Variants in USP4 observed in about 807,000 individuals in gnomAD.
USP4 encodes the protein ubiquitin carboxyl-terminal hydrolase 4.
A neutral mutation model predicts 118.2 loss-of-function variants in USP4; 72 were observed. The ratio of observed to expected loss-of-function variants is 0.61; its 90% CI spans 0.50 to 0.74. The LOEUF is 0.74. Ranked by LOEUF, USP4 falls within the 30% of genes least tolerant of loss-of-function variation. The pLI is 0.00. For synonymous variants in USP4, 415 were observed against 440.4 expected (o/e 0.94, Z 0.72); for missense variants, 1,037 against 1,185.7 (o/e 0.87, Z 1.84).
intron 9 of USP4, among the ~76,000 whole-genome samples, chr3:49,305,115 C>G (rs1192770876): frequency 6.7e-6 from 1 of 149,876 alleles, no homozygotes. Context: ...TTCTGTCACC[C>G]AGGCTGGAGT....
At position 49,339,984 on chromosome 3, in the gene USP4, T is replaced by A; in HGVS notation, c.41A>T (p.Glu14Val). 2 of 1,612,120 alleles carry A rather than the reference T, an allele frequency of 1.2e-6. No homozygotes were observed. Among genetic ancestry groups the A allele is most frequent in the Non-Finnish European group, 1.7e-6 (2 of 1,179,866 alleles). The change falls in exon 1 of 22, where the codon GAG (glutamate) becomes GTG (valine). Residue 14 changes from glutamate (E) to valine (V), a missense_variant. Physicochemically the swap from Glu to Val is moderately radical, Grantham distance 121. Transcript: ENST00000265560. Reference sequence around the variant, plus strand: ...GGGTCCAAGCTCGGACTTCTGAGTCTCCGCATCCGGTCGCTCACGGCAGCC... The same window carrying A: ...GGGTCCAAGCTCGGACTTCTGAGTCACCGCATCCGGTCGCTCACGGCAGCC... The part of the protein sequence containing the change: ...GGGCRERPDA[E>V]TQKSELGPLM...
At chr3:49,331,546 G>A (rs1212086079) in intron 2 of USP4, among the ~76,000 whole-genome samples, 14 of 152,170 alleles carry the variant, frequency 9.2e-5, no homozygotes, top group African/African-American at 2.7e-4. Flanking sequence ...ACTTGAACCC[G>A]GGAAGCAGAG....
At chr3:49,286,403 A>G in intron 15 of USP4, 78 bp from the exon 16 acceptor site, 1 of 1,376,908 alleles carries the variant, frequency 7.3e-7, no homozygotes, top group Non-Finnish European at 1.0e-6. Context: ...ATACATAACT[A>G]TGGTGTTTCC....
At chr3:49,291,573 C>CAAAA (rs768383989) in intron 15 of USP4, among the ~76,000 whole-genome samples, 1 of 46,502 alleles carries the variant, frequency 2.2e-5, no homozygotes, top group Non-Finnish European at 4.8e-5. Context: ...GATTCCGTCT[C>CAAAA]AAAAAAAAAA....
Position 49,288,100 on chromosome 3 carries a change from G to A in USP4, c.1973-1775C>T, listed in dbSNP as rs1037620879. ...GCTATTTAAGAGCCCACAACCCCTGGCTCTCATGGAGGTTCCTTTCCGAAC... is the reference window on the plus strand; with the variant it reads ...GCTATTTAAGAGCCCACAACCCCTGACTCTCATGGAGGTTCCTTTCCGAAC... On this transcript the variant is annotated intron_variant, in intron 15 of 21. Transcript: ENST00000265560. 2.0e-5 allele frequency among the ~76,000 whole-genome samples: 3 copies of A among 152,186 alleles called. No homozygotes were observed. The South Asian group carries it at 6.2e-4, about 31-fold the overall frequency.
At chr3:49,331,822 G>T (rs1012564206) in intron 2 of USP4, among the ~76,000 whole-genome samples, 4 of 151,896 alleles carry the variant, frequency 2.6e-5, no homozygotes, top group Admixed American at 1.3e-4. Context: ...TAAGAAGAGA[G>T]TCAGCCTGTC....
At chr3:49,317,756 G>A (rs1183000834) in intron 6 of USP4, among the ~76,000 whole-genome samples, 1 of 150,316 alleles carries the variant, frequency 6.7e-6, no homozygotes, top group African/African-American at 2.5e-5. Flanking sequence ...GTTTCACTGT[G>A]TTAGCCAGGA....
At chr3:49,309,485 T>C (rs1026142871) in intron 8 of USP4, among the ~76,000 whole-genome samples, 1 of 152,154 alleles carries the variant, frequency 6.6e-6, no homozygotes, top group Admixed American at 6.6e-5. Flanking sequence ...TTCAAACTCC[T>C]GGCCTCAAGC....
intron 21 of USP4, 76 bp from the exon 22 acceptor site, chr3:49,278,527 C>G (rs2046985169): frequency 6.5e-7 from 1 of 1,531,418 alleles, no homozygotes; most frequent in Non-Finnish European, 8.8e-7. Flanking sequence ...CTCTAGCTGT[C>G]CAAAACCCTC....
chr3:49,291,160 T>A (rs2047147149), intron 15 of USP4, among the ~76,000 whole-genome samples: 2 of 151,222 alleles, frequency 1.3e-5, no homozygotes, highest in Admixed American at 6.6e-5. Context: ...GAGATGGGGT[T>A]TCACTGTGTT....
chr3:49,291,587 AAAAG>A (rs1350433490), intron 15 of USP4, among the ~76,000 whole-genome samples: 6 of 151,438 alleles, frequency 4.0e-5, no homozygotes, highest in East Asian at 2.0e-4. Context: ...AAAAAAAAAA[AAAAG>A]AAAGAAAGAA....
intron 6 of USP4, among the ~76,000 whole-genome samples, chr3:49,313,664 G>A (rs2047408944): frequency 6.6e-6 from 1 of 152,150 alleles, no homozygotes; most frequent in Non-Finnish European, 1.5e-5. Flanking sequence ...GGAGAATTTT[G>A]TTTCTTCAAA....
chr3:49,279,564 C>T (rs1259106229), intron 20 of USP4, among the ~76,000 whole-genome samples: 1 of 152,202 alleles, frequency 6.6e-6, no homozygotes, highest in Non-Finnish European at 1.5e-5. Flanking sequence ...TGACTTTACA[C>T]TATTCCCAAG....
intron 13 of USP4, among the ~76,000 whole-genome samples, chr3:49,295,411 C>G (rs1214823459): frequency 6.7e-6 from 1 of 148,276 alleles, no homozygotes; most frequent in African/African-American, 2.5e-5. Flanking sequence ...AATGAGCAAG[C>G]AAATTTATAA....
intron 6 of USP4, chr3:49,312,198 C>T: frequency 4.1e-6 from 1 of 244,774 alleles, no homozygotes; most frequent in Non-Finnish European, 8.3e-6. Context: ...GTGGCTCACC[C>T]TTGTAATCCC....
intron 2 of USP4, among the ~76,000 whole-genome samples, chr3:49,328,407 C>T (rs766529142): frequency 2.0e-5 from 3 of 152,016 alleles, no homozygotes; most frequent in East Asian, 1.9e-4. Flanking sequence ...ACCATCCCTC[C>T]GACTAGTTTA....
At chr3:49,307,219 G>A (rs996666993) in intron 8 of USP4, among the ~76,000 whole-genome samples, 13 of 152,058 alleles carry the variant, frequency 8.5e-5, no homozygotes, top group Non-Finnish European at 1.2e-4. Context: ...AGGCTAAGGA[G>A]TGTGGATCAC....
chr3:49,299,528 G>A (rs1357000364), intron 11 of USP4, among the ~76,000 whole-genome samples: 2 of 151,738 alleles, frequency 1.3e-5, no homozygotes, highest in Non-Finnish European at 2.9e-5. Flanking sequence ...GAGTAGCTGG[G>A]ACTACAGGCG....
intron 10 of USP4, among the ~76,000 whole-genome samples, chr3:49,301,570 G>A (rs1331701755): frequency 6.6e-6 from 1 of 152,020 alleles, no homozygotes; most frequent in African/African-American, 2.4e-5. Context: ...TGGCTGTAGT[G>A]CCAGCTACTT....
Sources: allele counts gnomAD v4.1 joint callset (sites outside exome capture counted in the v4.1 genomes callset), GRCh38; gene constraint gnomAD v4.1.1; transcripts MANE v1.5; gene names NCBI Gene and HGNC (gene_info 2026-07-23, HGNC 2026-07-21).